The following ELAPOR1 variants were observed in gnomAD, a reference collection of about 807,000 sequenced individuals.
ELAPOR1 encodes endosome-lysosome associated apoptosis and autophagy regulator 1.
A neutral mutation model predicts 119.7 loss-of-function variants in ELAPOR1; 77 were observed. The ratio of observed to expected loss-of-function variants is 0.64; its 90% CI spans 0.54 to 0.78. ELAPOR1 has a LOEUF of 0.78. Ranked by LOEUF, ELAPOR1 falls within the 30% of genes least tolerant of loss-of-function variation. The pLI is 0.00. For synonymous variants in ELAPOR1, 481 were observed against 487.2 expected (o/e 0.99, Z 0.17); for missense variants, 1,115 against 1,270.4 (o/e 0.88, Z 1.86).
At chr1:109,175,752 G>A (rs1289398965) in intron 7 of ELAPOR1, among the ~76,000 whole-genome samples, 2 of 147,260 alleles carry the variant, frequency 1.4e-5, no homozygotes, top group Admixed American at 1.4e-4. Flanking sequence ...ACTTGAACCC[G>A]GAAGGTGGAG....
chr1:109,167,561 T>C (rs1459785726), intron 3 of ELAPOR1, among the ~76,000 whole-genome samples: 1 of 152,182 alleles, frequency 6.6e-6, no homozygotes, highest in Non-Finnish European at 1.5e-5. Flanking sequence ...CCTGCTTCCA[T>C]TCCCAGCCTC....
chr1:109,162,032 T>C lies in ELAPOR1; in HGVS notation c.274+18T>C. The C allele has an allele frequency of 1.3e-6, 2 of 1,598,314 alleles. No homozygotes were observed. Among genetic ancestry groups the C allele is most frequent in the Non-Finnish European group, 1.7e-6 (2 of 1,167,476 alleles). ...CGAGTGCTGTAAGCAGCTATCCTGC[T>C]CAGGGCCTCCCTGTCACTCAGCTTT... On this transcript the variant is annotated intron_variant, in intron 2 of 21. Coordinates refer to ENST00000369939, the MANE Select transcript of ELAPOR1 (RefSeq NM_020775.5).
At position 109,161,993 on chromosome 1, in the gene ELAPOR1, C is replaced by A. The variant is rs1339053596; in HGVS notation, c.253C>A (p.Pro85Thr). 2 of 1,613,318 alleles carry A rather than the reference C, an allele frequency of 1.2e-6. No homozygotes were observed. Among genetic ancestry groups the A allele is most frequent in the African/African-American group, 1.3e-5 (1 of 75,052 alleles). ...TPGLCTSLPD[P>T]IKGTECSFSC... ...GGGCCTGTGCACCAGCCTGCCTGAC[C>A]CCATCAAGGGCACCGAGTGCTGTAA... The change falls in exon 2 of 22, where the codon CCC becomes ACC. Residue 85 changes from proline (P) to threonine (T), a missense_variant. Pro to Thr is a conservative substitution (Grantham distance 38). Coordinates refer to ENST00000369939, the MANE Select transcript of ELAPOR1 (RefSeq NM_020775.5).
chr1:109,128,409 C>G (rs947957277), intron 1 of ELAPOR1, among the ~76,000 whole-genome samples: 4 of 152,184 alleles, frequency 2.6e-5, no homozygotes, highest in African/African-American at 9.6e-5. Context: ...TAATTTTGTG[C>G]TTGAAATCAA....
At chr1:109,130,931 A>C (rs1333578090) in intron 1 of ELAPOR1, among the ~76,000 whole-genome samples, 2 of 152,152 alleles carry the variant, frequency 1.3e-5, no homozygotes, top group Admixed American at 1.3e-4. Context: ...TGTGCCCAGG[A>C]GTTTGAGACC....
chr1:109,195,721 G>A (rs1422755524), intron 15 of ELAPOR1, among the ~76,000 whole-genome samples: 2 of 152,202 alleles, frequency 1.3e-5, no homozygotes, highest in African/African-American at 4.8e-5. Context: ...TATAAGGAAA[G>A]ATTGTCACCA....
intron 1 of ELAPOR1, among the ~76,000 whole-genome samples, chr1:109,117,817 G>A (rs1042592177): frequency 1.3e-5 from 2 of 152,038 alleles, no homozygotes; most frequent in Non-Finnish European, 1.5e-5. Flanking sequence ...TATAGAGGAT[G>A]ATAGGAAAAG....
Position 109,166,188 on chromosome 1 carries a change from T to G in ELAPOR1, c.467+1497T>G, listed in dbSNP as rs191068591. Among the ~76,000 whole-genome samples, 306 of 152,222 alleles carry G rather than the reference T, an allele frequency of 2.0e-3. 1 individual carries two copies. Among genetic ancestry groups the G allele is most frequent in the Non-Finnish European group, 3.4e-3 (233 of 67,986 alleles). On this transcript the variant is annotated intron_variant, in intron 3 of 21. Transcript: ENST00000369939. ...CCTCGGCCTCCCAAAGTGCTGGGAT[T>G]ACAGCGTGAGCCACCGCACCCAGCT... is the stretch of plus-strand genomic sequence containing the variant.
rs1654435893 is a variant in ELAPOR1 at position 109,205,547 on chromosome 1, C to G, written c.*2535C>G. The G allele has an allele frequency of 6.6e-6, 1 of 152,186 alleles. No individual in the cohort carries two copies. Among genetic ancestry groups the G allele is most frequent in the African/African-American group, 2.4e-5 (1 of 41,442 alleles). The allele number at this position is 152,186 out of a possible 1,614,324, so 9.4% of individuals were successfully genotyped here. On this transcript the variant is annotated 3_prime_UTR_variant, in exon 22 of 22. Coordinates refer to ENST00000369939, the MANE Select transcript of ELAPOR1 (RefSeq NM_020775.5). ...AACCTGTGTCCATGTTGGAACTTCC[C>G]CCAGTGTGGATGCAGATACGCAGCT... is the stretch of plus-strand genomic sequence containing the variant.
At chr1:109,138,196 C>T (rs1014237073) in intron 1 of ELAPOR1, among the ~76,000 whole-genome samples, 133 of 152,288 alleles carry the variant, frequency 8.7e-4, no homozygotes, top group African/African-American at 3.0e-3. Flanking sequence ...CCAGAGGAAG[C>T]CTGACATTTT....
intron 13 of ELAPOR1, 63 bp downstream of exon 13, chr1:109,191,926 C>A (rs566751761): frequency 6.3e-7 from 1 of 1,575,642 alleles, no homozygotes; most frequent in Admixed American, 1.7e-5. Flanking sequence ...GGACTCCTAG[C>A]ATTAGCTTAA....
In ELAPOR1 at chr1:109,172,473, C is replaced by T. The variant is rs1412308485; in HGVS notation, c.616-15C>T. The T allele has an allele frequency of 2.5e-6, 4 of 1,603,570 alleles. No homozygotes were observed. Among genetic ancestry groups the T allele is most frequent in the African/African-American group, 2.7e-5 (2 of 74,648 alleles). On this transcript the variant is annotated splice_polypyrimidine_tract_variant and intron_variant, in intron 4 of 21. Transcript: ENST00000369939. The stretch of plus-strand genomic sequence containing the variant: ...AGAAAGCTGAGACTCTGGTCCCAAA[C>T]TCTTTTTATGTCAGGTTCAGAATGA...
At chr1:109,159,505 G>A (rs1215711256) in intron 1 of ELAPOR1, among the ~76,000 whole-genome samples, 1 of 152,166 alleles carries the variant, frequency 6.6e-6, no homozygotes, top group Non-Finnish European at 1.5e-5. Flanking sequence ...ACCAATTCTT[G>A]GGCCTCAGAA....
At chr1:109,164,083 C>G (rs1479245794) in intron 2 of ELAPOR1, among the ~76,000 whole-genome samples, 1 of 152,184 alleles carries the variant, frequency 6.6e-6, no homozygotes, top group African/African-American at 2.4e-5. Flanking sequence ...CCATGAAATT[C>G]ATTCCTTTAA....
chr1:109,203,264 GC>G lies in ELAPOR1; in HGVS notation c.*255del. ...TGCTTGTATCTTGTTTCCCAAAATG[GC>G]CCATCCGCCAGAGCCATAGCTTCGT... On this transcript the variant is annotated 3_prime_UTR_variant, in exon 22 of 22. Coordinates refer to ENST00000369939, the MANE Select transcript of ELAPOR1 (RefSeq NM_020775.5). The G allele has an allele frequency of 2.1e-6, 1 of 477,240 alleles. No homozygotes were observed. The highest frequency in any genetic ancestry group is 3.7e-6 in the Non-Finnish European group (1 of 267,844). 29.6% of individuals were successfully genotyped at this position (477,240 alleles called of 1,614,324 possible).
intron 15 of ELAPOR1, among the ~76,000 whole-genome samples, chr1:109,195,751 G>A (rs1452105806): frequency 6.6e-5 from 10 of 152,242 alleles, no homozygotes; most frequent in Non-Finnish European, 2.9e-5. Flanking sequence ...TCATGCTGCT[G>A]CAAATATTTC....
intron 1 of ELAPOR1, among the ~76,000 whole-genome samples, chr1:109,147,810 T>TTTATTATTA (rs559089756): frequency 6.6e-6 from 1 of 150,938 alleles, no homozygotes; most frequent in African/African-American, 2.4e-5. Context: ...TTTACTTTAT[T>TTTATTATTA]TTATTATTAT....
chr1:109,183,172 C>CA (rs1379403536), intron 7 of ELAPOR1, among the ~76,000 whole-genome samples: 1 of 150,328 alleles, frequency 6.7e-6, no homozygotes, highest in African/African-American at 2.4e-5. Flanking sequence ...TTTTTAAAAT[C>CA]AAAAAAAGTT....
rs181422862 is a variant in ELAPOR1 at position 109,141,401 on chromosome 1, A to T, written c.154-20493A>T. ...CTCAGCCTCCCGAGTAGCTGGGACT[A>T]CAGGCGCCTGCCACCACGCCCGGCT... On this transcript the variant is annotated intron_variant, in intron 1 of 21. Transcript: ENST00000369939. Among the ~76,000 whole-genome samples the T allele has an allele frequency of 3.7e-3, 565 of 151,918 alleles. 3 individuals carry two copies. Among genetic ancestry groups the T allele is most frequent in the Non-Finnish European group, 5.7e-3 (389 of 67,942 alleles).
Sources: allele counts gnomAD v4.1 joint callset (sites outside exome capture counted in the v4.1 genomes callset), GRCh38; gene constraint gnomAD v4.1.1; transcripts MANE v1.5; gene names NCBI Gene and HGNC (gene_info 2026-07-23, HGNC 2026-07-21).